Variants in CRISPLD1 observed in about 807,000 individuals in gnomAD.
CRISPLD1 encodes cysteine-rich secretory protein LCCL domain-containing 1.
In CRISPLD1, 60 loss-of-function variants were observed where a neutral mutation model predicts 77.5. The observed-to-expected ratio is 0.77, with a 90% CI of 0.63 to 0.96. CRISPLD1 has a LOEUF of 0.96. Among genes scored for constraint, CRISPLD1 ranks in the 40% least tolerant of loss-of-function variants. The pLI is 0.00. For synonymous variants in CRISPLD1, 195 were observed against 200.1 expected (o/e 0.97, Z 0.22); for missense variants, 623 against 615.8 (o/e 1.01, Z -0.12).
At chr8:75,007,767 A>C (rs530895860) in intron 2 of CRISPLD1, among the ~76,000 whole-genome samples, 18 of 149,036 alleles carry the variant, frequency 1.2e-4, no homozygotes, top group African/African-American at 4.2e-4. Flanking sequence ...CTGCAGCCTC[A>C]AACTCCCTTG....
At chr8:75,026,886 C>CTGGTA (rs1368360230) in intron 13 of CRISPLD1, 9 of 152,138 alleles carry the variant, frequency 5.9e-5, no homozygotes, top group Admixed American at 3.3e-4. Context: ...AAAAGTCCTG[C>CTGGTA]TGGTATCTTG....
chr8:75,020,178 T>A (rs1813108514), intron 12 of CRISPLD1, 99 bp downstream of exon 12: 2 of 951,552 alleles, frequency 2.1e-6, no homozygotes, highest in Admixed American at 3.8e-5. Context: ...AATCTTGAAC[T>A]TCTAAGCAGG....
At chr8:75,032,115 GA>G (rs2128789976) in intron 14 of CRISPLD1, 75 bp from the exon 15 acceptor site, 1 of 1,026,890 alleles carries the variant, frequency 9.7e-7, no homozygotes, top group East Asian at 2.5e-5. Flanking sequence ...ACTGTCATAA[GA>G]AAGCATGATT....
chr8:74,995,402 G>T (rs1055774713), intron 2 of CRISPLD1, among the ~76,000 whole-genome samples: 2 of 152,202 alleles, frequency 1.3e-5, no homozygotes, highest in African/African-American at 4.8e-5. Flanking sequence ...TCCCAGACTG[G>T]TTCAAGAATG....
chr8:75,025,717 G>A (rs1357979609), intron 13 of CRISPLD1, 96 bp downstream of exon 13: 16 of 488,456 alleles, frequency 3.3e-5, no homozygotes, highest in Non-Finnish European at 5.0e-5. Context: ...TATACAGAGC[G>A]AAGAAACAGA....
At chr8:75,030,612 C>T (rs957577701) in intron 14 of CRISPLD1, among the ~76,000 whole-genome samples, 3 of 151,836 alleles carry the variant, frequency 2.0e-5, no homozygotes, top group African/African-American at 7.3e-5. Context: ...TTAGATGCTC[C>T]TGAGCACTCT....
At chr8:75,007,412 G>T (rs1020941407) in intron 2 of CRISPLD1, among the ~76,000 whole-genome samples, 7 of 149,506 alleles carry the variant, frequency 4.7e-5, no homozygotes, top group Non-Finnish European at 7.4e-5. Flanking sequence ...ACTCTTATTC[G>T]AGCACCATAG....
rs551604934 is a variant in CRISPLD1, at chr8:74,993,581, T to C, written c.258+7336T>C. 5.9e-5 allele frequency among the ~76,000 whole-genome samples: 9 copies of C among 152,348 alleles called. No homozygotes were observed. The South Asian group carries it at 1.9e-3, about 32-fold the overall frequency. On this transcript the variant is annotated intron_variant, in intron 2 of 14. Coordinates refer to ENST00000262207, the MANE Select transcript of CRISPLD1 (RefSeq NM_031461.6). ...AAGACTTCGACCTTTAAAGTGAATG[T>C]ATTTTTCTTTTTGAAAATTGCACCA...
At chr8:75,022,238 C>CT (rs902580471) in intron 12 of CRISPLD1, among the ~76,000 whole-genome samples, 18 of 151,128 alleles carry the variant, frequency 1.2e-4, no homozygotes, top group South Asian at 6.3e-4. Context: ...AAGCTTCTCC[C>CT]TTTTTTTTTA....
chr8:74,993,810 A>G (rs1314851047), intron 2 of CRISPLD1, among the ~76,000 whole-genome samples: 6 of 152,240 alleles, frequency 3.9e-5, no homozygotes, highest in Non-Finnish European at 5.9e-5. Context: ...ATGTATTGGG[A>G]GTTTACTAAA....
rs1207409762 is a variant in CRISPLD1 at position 74,987,989 on chromosome 8, G to A, written c.258+1744G>A. On this transcript the variant is annotated intron_variant, in intron 2 of 14. Coordinates refer to ENST00000262207, the MANE Select transcript of CRISPLD1 (RefSeq NM_031461.6). ...TATGAGTTTCTTTTTAGTTTCACTGGTTTCAGTCTATCCTTGAAATGTAGA... is the reference window on the plus strand; with the variant it reads ...TATGAGTTTCTTTTTAGTTTCACTGATTTCAGTCTATCCTTGAAATGTAGA... Among the ~76,000 whole-genome samples the A allele has an allele frequency of 3.9e-5, 6 of 152,232 alleles. No individual in the cohort carries two copies. In the South Asian group the frequency reaches 1.0e-3, roughly 26 times the overall value.
At position 74,985,946 on chromosome 8, in the gene CRISPLD1, T is replaced by C; in HGVS notation, c.-42T>C. The stretch of plus-strand genomic sequence containing the variant: ...TATAGCCAAAAGGAGTGGAAGAGCC[T>C]GTCTTGGAGATTTTCCTGGGGAAAT... On this transcript the variant is annotated 5_prime_UTR_variant, in exon 2 of 15. Transcript: ENST00000262207. 2 of 1,581,104 alleles carry C rather than the reference T, an allele frequency of 1.3e-6. No homozygotes were observed. Among genetic ancestry groups the C allele is most frequent in the Non-Finnish European group, 1.7e-6 (2 of 1,159,866 alleles).
chr8:75,019,992 G>C lies in CRISPLD1; in HGVS notation c.1172-15G>C, dbSNP rs777827181. ...TCAAAGGATTCACTCATTGTTTTGT[G>C]TTTTAATTCTTCAGTTCAGGCTGTG... On this transcript the variant is annotated splice_polypyrimidine_tract_variant and intron_variant, in intron 11 of 14. Coordinates refer to ENST00000262207, the MANE Select transcript of CRISPLD1 (RefSeq NM_031461.6). The C allele has an allele frequency of 6.2e-7, 1 of 1,613,838 alleles. No homozygotes were observed. Among genetic ancestry groups the C allele is most frequent in the Non-Finnish European group, 8.5e-7 (1 of 1,179,738 alleles).
chr8:74,988,706 G>A (rs958008179), intron 2 of CRISPLD1, among the ~76,000 whole-genome samples: 1 of 152,066 alleles, frequency 6.6e-6, no homozygotes, highest in African/African-American at 2.4e-5. Context: ...ATGGTGGCAT[G>A]TGCTGGTAAT....
chr8:75,019,758 G>GT (rs1343943069), intron 10 of CRISPLD1, 112 bp from the exon 11 acceptor site: 2 of 754,566 alleles, frequency 2.7e-6, no homozygotes, highest in African/African-American at 3.5e-5. Flanking sequence ...GTCTATTTTA[G>GT]TAAGTGTTTA....
intron 14 of CRISPLD1, among the ~76,000 whole-genome samples, chr8:75,031,567 CTGTGTGTGTG>C (rs755567610): frequency 1.5e-5 from 1 of 65,674 alleles, no homozygotes; most frequent in Non-Finnish European, 2.9e-5. Flanking sequence ...ATTGAATGCT[CTGTGTGTGTG>C]TGTGTGTGTG....
rs543113050 is a variant in CRISPLD1 at position 75,015,004 on chromosome 8, A to C, written c.727+92A>C. The C allele has an allele frequency of 4.3e-6, 3 of 690,656 alleles. No homozygotes were observed. The African/African-American group carries it at 5.7e-5, about 13-fold the overall frequency. The allele number at this position is 690,656 out of a possible 1,614,324, so 42.8% of individuals were successfully genotyped here. ...GTTTAAAAAAGCCAGAAGTGCACTT[A>C]ATGATCACACGAAAAGTATCTAGAA... On this transcript the variant is annotated intron_variant, in intron 6 of 14. Transcript: ENST00000262207.
At chr8:74,997,925 G>A (rs1013939034) in intron 2 of CRISPLD1, among the ~76,000 whole-genome samples, 2 of 152,158 alleles carry the variant, frequency 1.3e-5, no homozygotes, top group Admixed American at 1.3e-4. Context: ...AATGGGAGGC[G>A]AGGAAGTAGA....
chr8:74,985,859 G>C, intron 1 of CRISPLD1, 67 bp from the exon 2 acceptor site: 1 of 1,024,490 alleles, frequency 9.8e-7, no homozygotes. Flanking sequence ...CTGTTGTTTT[G>C]CTCGTGTTAT....
Sources: allele counts gnomAD v4.1 joint callset (sites outside exome capture counted in the v4.1 genomes callset), GRCh38; gene constraint gnomAD v4.1.1; transcripts MANE v1.5; gene names NCBI Gene and HGNC (gene_info 2026-07-23, HGNC 2026-07-21).